The following ESCO1 variants were observed in gnomAD, a reference collection of about 807,000 sequenced individuals.
The protein encoded by ESCO1 is establishment of sister chromatid cohesion N-acetyltransferase 1.
Under a neutral mutation model 83.5 loss-of-function variants are expected in ESCO1, and 33 were observed. The observed-to-expected ratio is 0.40, with a 90% CI of 0.30 to 0.53. The LOEUF is 0.53. Among genes scored for constraint, ESCO1 ranks in the 20% least tolerant of loss-of-function variants. The pLI is 0.63. For missense variants in ESCO1, 855 were observed against 968.0 expected, an observed-to-expected ratio of 0.88 and a Z score of 1.55; for synonymous variants, 332 against 324.3, an observed-to-expected ratio of 1.02 and a Z score of -0.25.
chr18:21,537,065 A>G (rs747264623), intron 9 of ESCO1, among the ~76,000 whole-genome samples: 17 of 152,326 alleles, frequency 1.1e-4, no homozygotes, highest in South Asian at 2.1e-4. Flanking sequence ...CATGTCAGAT[A>G]TTAGACATCT....
intron 1 of ESCO1, among the ~76,000 whole-genome samples, chr18:21,599,753 G>A (rs749314942): frequency 3.3e-5 from 5 of 152,166 alleles, no homozygotes; most frequent in South Asian, 2.1e-4. Context: ...CCATCGCCCC[G>A]GAAAATAAAG....
At position 21,574,818 on chromosome 18, in the gene ESCO1, T is replaced by C; in HGVS notation, c.26A>G (p.Lys9Arg). The C allele has an allele frequency of 6.3e-7, 1 of 1,592,680 alleles. No individual in the cohort carries two copies. Among genetic ancestry groups the C allele is most frequent in the Non-Finnish European group, 8.5e-7 (1 of 1,177,798 alleles). MMSIQEKS[K>R]ENSSKVTKKS... Reference sequence around the variant, plus strand: ...TTTAGTAACTTTGGAGGAATTCTCTTTTGATTTCTCCTGAATGGACATCAT... The same window carrying C: ...TTTAGTAACTTTGGAGGAATTCTCTCTTGATTTCTCCTGAATGGACATCAT... Residue 9 changes from lysine (K) to arginine (R), a missense_variant, in exon 4 of 12, where the codon AAA becomes AGA. Transcript: ENST00000269214.
At chr18:21,572,479 T>C (rs1309495608) in intron 4 of ESCO1, among the ~76,000 whole-genome samples, 2 of 152,196 alleles carry the variant, frequency 1.3e-5, no homozygotes, top group Non-Finnish European at 2.9e-5. Flanking sequence ...TTCAGAGTCT[T>C]GGCCACTACA....
intron 8 of ESCO1, among the ~76,000 whole-genome samples, chr18:21,545,481 G>A: frequency 6.6e-6 from 1 of 151,150 alleles, no homozygotes; most frequent in East Asian, 2.0e-4. Context: ...GCTGAGGCAG[G>A]AGAATCCCCT....
At chr18:21,580,625 G>C (rs2038488623) in intron 2 of ESCO1, among the ~76,000 whole-genome samples, 1 of 152,220 alleles carries the variant, frequency 6.6e-6, no homozygotes, top group Non-Finnish European at 1.5e-5. Flanking sequence ...GACTGCACAT[G>C]TGTGTGCTTA....
intron 8 of ESCO1, among the ~76,000 whole-genome samples, chr18:21,553,094 A>C (rs2038064957): frequency 6.6e-6 from 1 of 152,170 alleles, no homozygotes; most frequent in Non-Finnish European, 1.5e-5. Context: ...GTTTGTGACC[A>C]AGCTGGGCAA....
chr18:21,581,341 G>A lies in ESCO1; in HGVS notation c.-694+2969C>T, dbSNP rs537114543. Among the ~76,000 whole-genome samples, 119 of 150,362 alleles carry A rather than the reference G, an allele frequency of 7.9e-4. 1 individual carries two copies. Among genetic ancestry groups the A allele is most frequent in the Non-Finnish European group, 1.3e-3 (86 of 67,608 alleles). ...ATCTCAAAAGAAAAAAAAAAACAGG[G>A]TAGATTTACACTAATATTAAAATAC... On this transcript the variant is annotated intron_variant, in intron 2 of 11. Coordinates refer to ENST00000269214, the MANE Select transcript of ESCO1 (RefSeq NM_052911.3).
chr18:21,557,579 G>GT (rs2038128946), intron 8 of ESCO1, among the ~76,000 whole-genome samples: 1 of 152,148 alleles, frequency 6.6e-6, no homozygotes, highest in Non-Finnish European at 1.5e-5. Context: ...TCCTAAACTT[G>GT]AAGGAAAGGG....
chr18:21,552,857 C>A (rs1334975554), intron 8 of ESCO1, among the ~76,000 whole-genome samples: 1 of 152,096 alleles, frequency 6.6e-6, no homozygotes, highest in African/African-American at 2.4e-5. Flanking sequence ...ACATAAAATG[C>A]AGAAATATAA....
chr18:21,532,972 GC>G (rs964862801), intron 10 of ESCO1, among the ~76,000 whole-genome samples: 1 of 151,986 alleles, frequency 6.6e-6, no homozygotes, highest in Non-Finnish European at 1.5e-5. Context: ...ATCATGAGGA[GC>G]CCCCCCAATA....
In ESCO1 at chr18:21,530,362, T is replaced by C. The variant is rs1161511757; in HGVS notation, c.2504A>G (p.Asn835Ser). The part of the protein sequence containing the change: ...TGQFLVYNFI[N>S]GQNST Reference sequence around the variant, plus strand: ...TTTGTTTTACGTGCTATTCTGTCCATTAATAAAATTATATACCAGAAATTG... The same window carrying C: ...TTTGTTTTACGTGCTATTCTGTCCACTAATAAAATTATATACCAGAAATTG... Residue 835 changes from asparagine to serine, a missense_variant, in exon 12 of 12, where the codon AAT becomes AGT. This residue lies in a region of ESCO1 where 129 missense variants were observed against 268.5 expected (regional missense o/e 0.48). Coordinates refer to ENST00000269214, the MANE Select transcript of ESCO1 (RefSeq NM_052911.3). 1 of 1,605,116 alleles carries C rather than the reference T, an allele frequency of 6.2e-7. No individual in the cohort carries two copies. Among genetic ancestry groups the C allele is most frequent in the Admixed American group, 1.7e-5 (1 of 58,288 alleles).
intron 8 of ESCO1, among the ~76,000 whole-genome samples, chr18:21,541,109 A>T (rs916610915): frequency 6.6e-6 from 1 of 152,190 alleles, no homozygotes; most frequent in Non-Finnish European, 1.5e-5. Context: ...TATATGTAAC[A>T]ATTTAAATTA....
chr18:21,544,986 G>A (rs2037954589), intron 8 of ESCO1, among the ~76,000 whole-genome samples: 2 of 152,386 alleles, frequency 1.3e-5, no homozygotes, highest in South Asian at 2.1e-4. Context: ...AGCAGTGACT[G>A]TAATAGGATC....
rs893179609 is a variant in ESCO1 at position 21,589,538 on chromosome 18, C to T, written c.-824-5098G>A. Among the ~76,000 whole-genome samples the T allele has an allele frequency of 2.6e-5, 4 of 152,114 alleles. No homozygotes were observed. The East Asian group carries it at 7.7e-4, about 29-fold the overall frequency. On this transcript the variant is annotated intron_variant, in intron 1 of 11. Transcript: ENST00000269214. ...AATTCCATCAGATTTACTGCAGAAT[C>T]AAACCCCGTATACCTCTCAATCCCA...
intron 1 of ESCO1, among the ~76,000 whole-genome samples, chr18:21,587,522 T>C (rs539067200): frequency 6.6e-6 from 1 of 152,350 alleles, no homozygotes; most frequent in Admixed American, 6.5e-5. Context: ...TAGCATACCA[T>C]TGTTCATATT....
At chr18:21,555,004 G>A (rs559808825) in intron 8 of ESCO1, among the ~76,000 whole-genome samples, 1 of 152,216 alleles carries the variant, frequency 6.6e-6, no homozygotes, top group African/African-American at 2.4e-5. Flanking sequence ...GTTGAGGCAG[G>A]AGAATTGCTT....
chr18:21,594,774 G>A (rs1408814742), intron 1 of ESCO1, among the ~76,000 whole-genome samples: 1 of 151,912 alleles, frequency 6.6e-6, no homozygotes, highest in East Asian at 1.9e-4. Context: ...CCAGTGTCTT[G>A]TGATAACAAC....
In ESCO1 at chr18:21,586,272, G is replaced by GT. The variant is rs1371916162; in HGVS notation, c.-824-1833_-824-1832insA. On this transcript the variant is annotated intron_variant, in intron 1 of 11. Transcript: ENST00000269214. ...TTTTGTGGCTCCCACATAAGAACGA[G>GT]AATATGCAGTAAATCTTTCCATGCC... Among the ~76,000 whole-genome samples the GT allele has an allele frequency of 2.0e-5, 3 of 152,290 alleles. No individual in the cohort carries two copies. In the South Asian group the frequency reaches 6.2e-4, roughly 32 times the overall value.
chr18:21,568,013 C>T lies in ESCO1; in HGVS notation c.1612G>A (p.Ala538Thr). The T allele has an allele frequency of 5.0e-6, 8 of 1,613,350 alleles. No homozygotes were observed. Among genetic ancestry groups the T allele is most frequent in the Non-Finnish European group, 6.8e-6 (8 of 1,179,800 alleles). Residue 538 changes from alanine (A) to threonine (T), a missense_variant, in exon 5 of 12, where the codon GCA becomes ACA. By Grantham distance (58) the Ala-to-Thr change is moderately conservative. Around this residue, in one of 2 missense-constraint regions of ESCO1, gnomAD observed 726 missense variants for 699.5 expected, o/e 1.04. Coordinates refer to ENST00000269214, the MANE Select transcript of ESCO1 (RefSeq NM_052911.3). ...VTAASTLLSQ[A>T]KIDTGENKFP... ...TTATTCTCTCCTGTATCAATTTTTG[C>T]TTGACTGAGCAGAGTCGAAGCAGCA...
Sources: gnomAD v4.1 joint callset for allele counts (sites outside exome capture counted in the v4.1 genomes callset) on GRCh38, gnomAD v4.1.1 for gene constraint, gnomAD v4.1.1 regional missense constraint, MANE v1.5 for transcripts, NCBI Gene and HGNC (gene_info 2026-07-23, HGNC 2026-07-21) for gene names.